The following HDAC9 variants were observed in gnomAD, a reference collection of about 807,000 sequenced individuals.
The protein encoded by HDAC9 is histone deacetylase 9.
In HDAC9, 41 loss-of-function variants were observed where a neutral mutation model predicts 139.4. That is an observed-to-expected ratio of 0.29 (90% CI 0.23 to 0.38). HDAC9 has a LOEUF of 0.38. HDAC9 is among the 10% of genes least tolerant of loss of function. HDAC9 has a pLI of 1.00. For missense variants in HDAC9, 1,147 were observed against 1,297.0 expected (o/e 0.88, Z 1.78); for synonymous variants, 517 against 476.2 (o/e 1.09, Z -1.12).
chr7:18,888,687 A>T (rs1028559309), intron 22 of HDAC9, among the ~76,000 whole-genome samples: 16 of 152,058 alleles, frequency 1.1e-4, no homozygotes, highest in Admixed American at 1.0e-3. Context: ...TCCTCCTATC[A>T]TCTCTTTACA....
At chr7:18,605,951 A>C (rs770617964) in intron 6 of HDAC9, among the ~76,000 whole-genome samples, 1 of 152,158 alleles carries the variant, frequency 6.6e-6, no homozygotes, top group Non-Finnish European at 1.5e-5. Flanking sequence ...AAGTGCTGGG[A>C]TTACAGGTGT....
At chr7:18,816,939 T>A (rs1794602541) in intron 17 of HDAC9, among the ~76,000 whole-genome samples, 1 of 152,198 alleles carries the variant, frequency 6.6e-6, no homozygotes, top group South Asian at 2.1e-4. Flanking sequence ...CTAAAGAATT[T>A]TGATTGTAAT....
At chr7:18,335,654 TG>T (rs1428783213) in intron 1 of HDAC9, among the ~76,000 whole-genome samples, 1 of 151,420 alleles carries the variant, frequency 6.6e-6, no homozygotes, top group Middle Eastern at 3.2e-3. Context: ...AGGTAAAGGG[TG>T]GGGGTAAATG....
At chr7:18,499,625 A>G (rs1353743616) in intron 2 of HDAC9, among the ~76,000 whole-genome samples, 2 of 152,148 alleles carry the variant, frequency 1.3e-5, no homozygotes, top group African/African-American at 4.8e-5. Flanking sequence ...ATTGCCAAGC[A>G]TGTTGCTTAA....
At chr7:18,340,964 A>G (rs996018909) in intron 1 of HDAC9, among the ~76,000 whole-genome samples, 5 of 151,286 alleles carry the variant, frequency 3.3e-5, no homozygotes, top group Admixed American at 2.0e-4. Flanking sequence ...CATTTTCTGT[A>G]AGATATTTTG....
At chr7:18,920,106 A>T (rs1372579603) in intron 22 of HDAC9, among the ~76,000 whole-genome samples, 2 of 152,080 alleles carry the variant, frequency 1.3e-5, no homozygotes, top group Non-Finnish European at 2.9e-5. Flanking sequence ...CATTTTCACA[A>T]GATTGATTCT....
At chr7:18,240,881 A>G (rs565257630) in intron 2 of HDAC9, among the ~76,000 whole-genome samples, 7 of 152,310 alleles carry the variant, frequency 4.6e-5, no homozygotes, top group Admixed American at 1.3e-4. Context: ...CTCTTCTCCC[A>G]GAAATTTGCA....
intron 2 of HDAC9, among the ~76,000 whole-genome samples, chr7:18,565,980 T>C (rs913737028): frequency 6.6e-6 from 1 of 152,154 alleles, no homozygotes; most frequent in African/African-American, 2.4e-5. Flanking sequence ...AGGATCAGAA[T>C]AATATTTCTG....
chr7:18,997,930 T>TA lies in HDAC9; in HGVS notation c.*1873dup, dbSNP rs1205005227. 1 of 152,166 alleles carries TA rather than the reference T, an allele frequency of 6.6e-6. No homozygotes were observed. Among genetic ancestry groups the TA allele is most frequent in the Non-Finnish European group, 1.5e-5 (1 of 67,998 alleles). The allele number at this position is 152,166 out of a possible 1,614,324, so 9.4% of individuals were successfully genotyped here. ...AAATGGAATGTAACTTAGTATTAGG[T>TA]AAAAATTGCTTTCATTGCGTAAGGG... On this transcript the variant is annotated 3_prime_UTR_variant, in exon 26 of 26. Coordinates refer to ENST00000686413, the MANE Select transcript of HDAC9 (RefSeq NM_178425.4).
chr7:18,432,076 A>G (rs145882503), intron 1 of HDAC9, among the ~76,000 whole-genome samples: 58 of 152,346 alleles, frequency 3.8e-4, no homozygotes, highest in African/African-American at 1.2e-3. Flanking sequence ...GTTTAGCCCT[A>G]TTTGTCTGAC....
rs35227059 is a variant in HDAC9 at position 18,329,983 on chromosome 7, ATGTG to A, written c.-42+39488_-42+39491del. 1.1e-3 allele frequency among the ~76,000 whole-genome samples: 123 copies of A among 111,878 alleles called. 1 individual carries two copies. The highest frequency in any genetic ancestry group is 4.5e-3 in the Middle Eastern group (1 of 224). 73.4% of individuals were successfully genotyped at this position (111,878 alleles called of 152,430 possible). A position where few individuals can be genotyped will look rare whatever the true frequency, so the allele number is the denominator to read the frequency against. ...TTGCTGCATTCTAAGGCTTGTGTGT[ATGTG>A]TGTGTGTGTGTGTGTGTGTTCCGTG... is the stretch of plus-strand genomic sequence containing the variant. On this transcript the variant is annotated intron_variant, in intron 1 of 3. Transcript: ENST00000413509.
At chr7:18,145,776 C>T (rs1316830310) in intron 1 of HDAC9, among the ~76,000 whole-genome samples, 2 of 152,000 alleles carry the variant, frequency 1.3e-5, no homozygotes, top group Non-Finnish European at 2.9e-5. Flanking sequence ...TATTCAGATA[C>T]CGGTGATCTG....
At chr7:18,504,137 A>T (rs984631764) in intron 2 of HDAC9, among the ~76,000 whole-genome samples, 3 of 152,138 alleles carry the variant, frequency 2.0e-5, no homozygotes, top group Admixed American at 6.5e-5. Context: ...ATTCTTGATG[A>T]TGCTTTTGAA....
In HDAC9 at chr7:18,432,007, T is replaced by A. The variant is rs556547871; in HGVS notation, c.-41-64255T>A. ...TCCTCCTCACATCCTTCTGGGCAAG[T>A]ACTGGTTGAAGTGTCCTGAATAAAA... On this transcript the variant is annotated intron_variant, in intron 1 of 3. Coordinates refer to the HDAC9 transcript ENST00000413509. Among the ~76,000 whole-genome samples, 28 of 152,358 alleles carry A rather than the reference T, an allele frequency of 1.8e-4. No individual in the cohort carries two copies. The South Asian group carries it at 5.6e-3, about 30-fold the overall frequency.
intron 2 of HDAC9, among the ~76,000 whole-genome samples, chr7:18,242,687 G>C (rs1481071748): frequency 6.6e-6 from 1 of 152,088 alleles, no homozygotes; most frequent in Non-Finnish European, 1.5e-5. Flanking sequence ...GCTAATCATA[G>C]CTTTTTATGT....
At chr7:18,971,487 A>G (rs1173038737) in intron 24 of HDAC9, among the ~76,000 whole-genome samples, 1 of 152,236 alleles carries the variant, frequency 6.6e-6, no homozygotes, top group Non-Finnish European at 1.5e-5. Flanking sequence ...TTCCTATGCC[A>G]ATAGATATGA....
intron 23 of HDAC9, chr7:18,949,864 T>A (rs1237534789): frequency 6.6e-6 from 1 of 151,916 alleles, no homozygotes; most frequent in South Asian, 2.1e-4. Flanking sequence ...GGATTGAAAA[T>A]TTTTTAATTA....
At chr7:18,633,988 A>C (rs928161387) in intron 7 of HDAC9, among the ~76,000 whole-genome samples, 1 of 152,086 alleles carries the variant, frequency 6.6e-6, no homozygotes, top group African/African-American at 2.4e-5. Context: ...ACAAATCTAC[A>C]TGTTAAATTT....
At chr7:18,362,907 A>G (rs10255111) in intron 1 of HDAC9, among the ~76,000 whole-genome samples, 38,742 of 152,038 alleles carry the variant, frequency 0.25, 5,097 homozygotes, top group African/African-American at 0.33. Flanking sequence ...GTAAAAATCT[A>G]TGCCTGACTG....
Sources: gnomAD v4.1 joint callset for allele counts (sites outside exome capture counted in the v4.1 genomes callset) on GRCh38, gnomAD v4.1.1 for gene constraint, MANE v1.5 for transcripts, NCBI Gene and HGNC (gene_info 2026-07-23, HGNC 2026-07-21) for gene names.